GPM6A: variants seen among roughly 807,000 people sequenced by gnomAD.
GPM6A encodes neuronal membrane glycoprotein M6-a.
A neutral mutation model predicts 32.1 loss-of-function variants in GPM6A; 7 were observed. The ratio of observed to expected loss-of-function variants is 0.22; its 90% confidence interval spans 0.12 to 0.41. The LOEUF is 0.41. Among genes scored for constraint, GPM6A ranks in the 10% least tolerant of loss-of-function variants. The pLI is 1.00. For missense variants in GPM6A, 235 were observed against 347.2 expected (o/e 0.68, Z 2.57); for synonymous variants, 130 against 123.4 (o/e 1.05, Z -0.35).
intron 1 of GPM6A, among the ~76,000 whole-genome samples, chr4:175,710,230 G>T (rs1219602809): frequency 2.0e-5 from 3 of 151,236 alleles, no homozygotes; most frequent in East Asian, 1.9e-4. Context: ...TTTTCTTTGG[G>T]TAAATTTTCC....
chr4:175,773,685 G>A (rs145940447), intron 1 of GPM6A, among the ~76,000 whole-genome samples: 1 of 152,064 alleles, frequency 6.6e-6, no homozygotes. Flanking sequence ...TTTGAATGGG[G>A]AGAGAAAAGG....
At chr4:175,976,088 C>T (rs1421230569) in intron 1 of GPM6A, among the ~76,000 whole-genome samples, 1 of 151,722 alleles carries the variant, frequency 6.6e-6, no homozygotes, top group Non-Finnish European at 1.5e-5. Context: ...TACCATGCTT[C>T]ACACTGATGT....
At chr4:175,659,122 C>T (rs1742254452) in intron 3 of GPM6A, among the ~76,000 whole-genome samples, 2 of 151,302 alleles carry the variant, frequency 1.3e-5, no homozygotes, top group South Asian at 4.2e-4. Flanking sequence ...CACTCTGTGG[C>T]CCAGGCTGGA....
chr4:175,754,243 A>G (rs1732444911), intron 1 of GPM6A, among the ~76,000 whole-genome samples: 2 of 152,122 alleles, frequency 1.3e-5, no homozygotes, highest in South Asian at 4.1e-4. Context: ...GGCTGAATCA[A>G]CAGTCTCCTT....
chr4:175,772,791 A>T (rs1034757898), intron 1 of GPM6A, among the ~76,000 whole-genome samples: 6 of 152,136 alleles, frequency 3.9e-5, no homozygotes, highest in African/African-American at 1.4e-4. Flanking sequence ...CAAAATACAA[A>T]GAGAGACAGA....
At chr4:175,915,727 C>A (rs1440053188) in intron 1 of GPM6A, among the ~76,000 whole-genome samples, 1 of 152,146 alleles carries the variant, frequency 6.6e-6, no homozygotes, top group Non-Finnish European at 1.5e-5. Flanking sequence ...TTTCATCCAC[C>A]TCACTGGCAA....
chr4:175,666,915 C>T (rs1742784254), intron 3 of GPM6A, among the ~76,000 whole-genome samples: 1 of 152,176 alleles, frequency 6.6e-6, no homozygotes, highest in African/African-American at 2.4e-5. Context: ...AAAACCTAAA[C>T]CTGCAGATGC....
intron 4 of GPM6A, among the ~76,000 whole-genome samples, chr4:175,645,456 C>T (rs144497165): frequency 0.02 from 3,086 of 152,176 alleles, 108 homozygotes; most frequent in African/African-American, 0.07. Flanking sequence ...TGGGGTGGCT[C>T]ACGCCTGTAA....
At chr4:175,653,181 G>T (rs1741898858) in intron 3 of GPM6A, among the ~76,000 whole-genome samples, 1 of 152,050 alleles carries the variant, frequency 6.6e-6, no homozygotes, top group Non-Finnish European at 1.5e-5. Flanking sequence ...TCAATCCCAT[G>T]ATAGAACTTA....
chr4:175,915,020 A>C (rs1738445917), intron 1 of GPM6A, among the ~76,000 whole-genome samples: 1 of 152,212 alleles, frequency 6.6e-6, no homozygotes, highest in Non-Finnish European at 1.5e-5. Flanking sequence ...ATATTGCCAA[A>C]TTGGCCTTCT....
intron 1 of GPM6A, among the ~76,000 whole-genome samples, chr4:175,984,499 T>A (rs1331545656): frequency 6.6e-6 from 1 of 152,150 alleles, no homozygotes; most frequent in Non-Finnish European, 1.5e-5. Flanking sequence ...TTCTATTGTA[T>A]CATTTGTCTT....
At chr4:175,810,060 A>G (rs1160022542) in intron 1 of GPM6A, among the ~76,000 whole-genome samples, 1 of 152,202 alleles carries the variant, frequency 6.6e-6, no homozygotes, top group African/African-American at 2.4e-5. Flanking sequence ...AAAACAGGAT[A>G]AGAACTAACA....
upstream of GPM6A, chr4:175,812,424 C>T (rs1223519310): frequency 7.7e-7 from 1 of 1,293,756 alleles, no homozygotes; most frequent in African/African-American, 1.6e-5. Context: ...TGCTTGGAGA[C>T]AGGCTGTCAA....
At chr4:176,001,988 A>G (rs1390493646) in intron 1 of GPM6A, among the ~76,000 whole-genome samples, 3 of 152,262 alleles carry the variant, frequency 2.0e-5, no homozygotes, top group Non-Finnish European at 2.9e-5. Context: ...CGCCCCCAGC[A>G]CGGTAGACCG....
intron 1 of GPM6A, among the ~76,000 whole-genome samples, chr4:175,822,096 CA>C (rs1735294285): frequency 6.6e-6 from 1 of 151,956 alleles, no homozygotes; most frequent in Admixed American, 6.6e-5. Flanking sequence ...TTCTGAGGTT[CA>C]TTTATTATAA....
intron 6 of GPM6A, among the ~76,000 whole-genome samples, chr4:175,636,440 T>G: frequency 6.6e-6 from 1 of 151,460 alleles, no homozygotes. Flanking sequence ...GAATGTATTT[T>G]TCAATCTTCA....
intron 1 of GPM6A, among the ~76,000 whole-genome samples, chr4:175,948,732 C>T (rs548093189): frequency 4.1e-4 from 62 of 152,218 alleles, no homozygotes; most frequent in Non-Finnish European, 7.2e-4. Context: ...GTGATTCTGT[C>T]TTTTCCTTCT....
At chr4:175,933,309 C>T (rs1272360140) in intron 1 of GPM6A, among the ~76,000 whole-genome samples, 1 of 152,032 alleles carries the variant, frequency 6.6e-6, no homozygotes, top group East Asian at 1.9e-4. Context: ...CACTAAACAC[C>T]CTCTAAAATG....
At chr4:175,956,517 A>C (rs1235341983) in intron 1 of GPM6A, among the ~76,000 whole-genome samples, 1 of 152,174 alleles carries the variant, frequency 6.6e-6, no homozygotes, top group African/African-American at 2.4e-5. Context: ...ACCAATAGTT[A>C]AGCTGTTTTA....
Sources: gnomAD v4.1 joint callset for allele counts (sites outside exome capture counted in the v4.1 genomes callset) on GRCh38, gnomAD v4.1.1 for gene constraint, MANE v1.5 for transcripts, NCBI Gene and HGNC (gene_info 2026-07-23, HGNC 2026-07-21) for gene names.